KDM4C: variants seen among roughly 807,000 people sequenced by gnomAD.
KDM4C encodes lysine demethylase 4C, also known as lysine-specific demethylase 4C.
A neutral mutation model predicts 129.3 loss-of-function variants in KDM4C; 81 were observed. The observed-to-expected ratio is 0.63, with a 90% CI of 0.52 to 0.75. The LOEUF is 0.75. Among genes scored for constraint, KDM4C ranks in the 30% least tolerant of loss-of-function variants. The probability of loss-of-function intolerance (pLI) is 0.00; values close to 1 mark genes in which losing one functional copy is unlikely to be tolerated. For missense variants in KDM4C, 1,457 were observed against 1,304.0 expected, an observed-to-expected ratio of 1.12 and a Z score of -1.81; for synonymous variants, 573 against 456.1, an observed-to-expected ratio of 1.26 and a Z score of -3.26.
chr9:7,140,046 T>C (rs1240514001), intron 19 of KDM4C, among the ~76,000 whole-genome samples: 2 of 152,238 alleles, frequency 1.3e-5, no homozygotes, highest in African/African-American at 2.4e-5. Flanking sequence ...GACATACTTC[T>C]GGGGCATTGC....
chr9:7,130,863 A>G (rs532304791), intron 19 of KDM4C, among the ~76,000 whole-genome samples: 143 of 151,076 alleles, frequency 9.5e-4, no homozygotes, highest in African/African-American at 3.5e-3. Context: ...GGCTCCGGTG[A>G]TCCTCTCGCC....
rs536446995 is a variant in KDM4C, at chr9:7,151,096, A to G, written c.2782-14142A>G. On this transcript the variant is annotated intron_variant, in intron 19 of 21. Coordinates refer to ENST00000381309, the MANE Select transcript of KDM4C (RefSeq NM_015061.6). ...GAGGCTGAAGCAGGAGGACCTTTTG[A>G]GGGCAGGAGTTCAAGACCAGCCTTG... 4.6e-5 allele frequency among the ~76,000 whole-genome samples: 7 copies of G among 152,046 alleles called. No homozygotes were observed. The East Asian group carries it at 1.4e-3, about 29-fold the overall frequency.
chr9:7,111,563 A>G (rs1413573814), intron 18 of KDM4C, among the ~76,000 whole-genome samples: 1 of 152,190 alleles, frequency 6.6e-6, no homozygotes, highest in Non-Finnish European at 1.5e-5. Context: ...GAGCCAGGAT[A>G]CAAAGCCAGG....
At chr9:6,741,607 T>C (rs1359392122) in intron 1 of KDM4C, among the ~76,000 whole-genome samples, 1 of 151,990 alleles carries the variant, frequency 6.6e-6, no homozygotes, top group Non-Finnish European at 1.5e-5. Flanking sequence ...AGTTTCCTTG[T>C]ATCTAAGCAT....
At chr9:7,047,511 A>T (rs1040494295) in intron 16 of KDM4C, among the ~76,000 whole-genome samples, 4 of 151,968 alleles carry the variant, frequency 2.6e-5, no homozygotes, top group African/African-American at 7.2e-5. Context: ...ACTGTTCTGC[A>T]TGGATTTTAT....
At chr9:7,008,435 C>A (rs575617044) in intron 12 of KDM4C, among the ~76,000 whole-genome samples, 2 of 152,288 alleles carry the variant, frequency 1.3e-5, no homozygotes, top group South Asian at 4.1e-4. Flanking sequence ...GTCCCAGACT[C>A]CAGGCTCACT....
intron 18 of KDM4C, among the ~76,000 whole-genome samples, chr9:7,122,261 A>ACTCTCTCTCTCTCTCTCT (rs747083483): frequency 2.9e-5 from 4 of 137,234 alleles, no homozygotes; most frequent in Admixed American, 7.3e-5. Flanking sequence ...ACACACACAC[A>ACTCTCTCTCTCTCTCTCT]CACACTCTCT....
intron 5 of KDM4C, among the ~76,000 whole-genome samples, chr9:6,859,252 C>T (rs922661738): frequency 2.0e-5 from 3 of 152,078 alleles, no homozygotes; most frequent in Admixed American, 6.5e-5. Flanking sequence ...CCGAGGCAGG[C>T]AGATCACGAG....
intron 1 of KDM4C, among the ~76,000 whole-genome samples, chr9:6,737,242 A>C (rs1198920421): frequency 3.3e-5 from 5 of 152,074 alleles, no homozygotes; most frequent in African/African-American, 9.7e-5. Flanking sequence ...CAGAATAAAA[A>C]GACAACCTAC....
chr9:7,052,863 C>CAGAGAGAGAGAGAG (rs370475585), intron 17 of KDM4C, among the ~76,000 whole-genome samples: 1,077 of 40,838 alleles, frequency 0.026, 41 homozygotes, highest in East Asian at 0.064. Flanking sequence ...GCCACACCTG[C>CAGAGAGAGAGAGAG]AGAGAGAGAG....
intron 8 of KDM4C, among the ~76,000 whole-genome samples, chr9:6,893,848 A>G (rs1277283744): frequency 6.6e-6 from 1 of 152,188 alleles, no homozygotes; most frequent in East Asian, 1.9e-4. Flanking sequence ...AATAACTTCT[A>G]TTAAATTTAA....
chr9:7,174,618 A>G lies in KDM4C; in HGVS notation c.3060A>G (p.Arg1020=). 6.2e-7 allele frequency: 1 copy of G among 1,614,192 alleles called. No individual in the cohort carries two copies. Among genetic ancestry groups the G allele is most frequent in the African/African-American group, 1.3e-5 (1 of 75,066 alleles). Residue 1020 remains arginine, a synonymous_variant, in exon 22 of 22, where the codon AGA becomes AGG. Coordinates refer to ENST00000381309, the MANE Select transcript of KDM4C (RefSeq NM_015061.6). ...GAGCAGACATTATCCAAGGGGAGAG[A>G]AAGAGACAAAGAGTGCTGAGCTCCA... ...FYGADIIQGE[R]KRQRVLSSRF... is the part of the protein sequence containing the mutation.
intron 8 of KDM4C, among the ~76,000 whole-genome samples, chr9:6,895,644 A>G (rs1232052063): frequency 6.6e-6 from 1 of 152,218 alleles, no homozygotes; most frequent in Non-Finnish European, 1.5e-5. Context: ...GCTCATGCCT[A>G]TAACTAGCAC....
intron 1 of KDM4C, among the ~76,000 whole-genome samples, chr9:6,732,140 G>T (rs976378132): frequency 2.0e-5 from 3 of 151,912 alleles, no homozygotes; most frequent in East Asian, 1.9e-4. Flanking sequence ...GCCAAGGTGG[G>T]CGGATCACGA....
intron 3 of KDM4C, among the ~76,000 whole-genome samples, chr9:6,813,101 G>A (rs1266947629): frequency 1.3e-5 from 2 of 152,082 alleles, no homozygotes; most frequent in Non-Finnish European, 2.9e-5. Context: ...CTTGAACCTG[G>A]GAGGCGGAGG....
At chr9:6,931,601 A>T (rs1183622125) in intron 8 of KDM4C, among the ~76,000 whole-genome samples, 1 of 152,120 alleles carries the variant, frequency 6.6e-6, no homozygotes, top group Admixed American at 6.5e-5. Context: ...CCCAAGCTCA[A>T]TCAGTCCTTC....
At chr9:7,024,453 A>G (rs1825446020) in intron 15 of KDM4C, among the ~76,000 whole-genome samples, 1 of 151,672 alleles carries the variant, frequency 6.6e-6, no homozygotes, top group African/African-American at 2.4e-5. Context: ...ATTTAGCATT[A>G]GGTATATCAC....
chr9:6,734,624 C>T lies in KDM4C; in HGVS notation c.49+13627C>T. On this transcript the variant is annotated intron_variant, in intron 1 of 17. Transcript: ENST00000536108. ...TCCTCTGTTTCTTGCCCTTTATTAG[C>T]ATTTGGAGATAACATACTTGCCATC... 3 of 259,692 alleles carry T rather than the reference C, an allele frequency of 1.2e-5. No individual in the cohort carries two copies. The South Asian group carries it at 1.3e-4, about 11-fold the overall frequency. The allele number at this position is 259,692 out of a possible 1,614,324, so 16.1% of individuals were successfully genotyped here. A position where few individuals can be genotyped will look rare whatever the true frequency, so the allele number is the denominator to read the frequency against.
intron 7 of KDM4C, among the ~76,000 whole-genome samples, chr9:6,889,918 C>G (rs1845879545): frequency 6.6e-6 from 1 of 152,212 alleles, no homozygotes; most frequent in Non-Finnish European, 1.5e-5. Flanking sequence ...CTGCAGCTCT[C>G]TACCAGTACT....
Sources: gnomAD v4.1 joint callset for allele counts (sites outside exome capture counted in the v4.1 genomes callset) on GRCh38, gnomAD v4.1.1 for gene constraint, MANE v1.5 for transcripts, NCBI Gene and HGNC (gene_info 2026-07-23, HGNC 2026-07-21) for gene names.